The following ADAMTS17 variants were observed in gnomAD, a reference collection of about 807,000 sequenced individuals.
The protein encoded by ADAMTS17 is ADAM metallopeptidase with thrombospondin type 1 motif 17, also known as A disintegrin and metalloproteinase with thrombospondin motifs 17.
Under a neutral mutation model 141.5 loss-of-function variants are expected in ADAMTS17, and 113 were observed. The observed-to-expected ratio is 0.80, with a 90% CI of 0.69 to 0.93. The LOEUF is 0.93. ADAMTS17 is among the 40% of genes least tolerant of loss of function. The pLI is 0.00. For missense variants in ADAMTS17, 1,659 were observed against 1,517.9 expected (o/e 1.09, Z -1.54); for synonymous variants, 768 against 630.6 (o/e 1.22, Z -3.27).
chr15:99,982,999 T>C lies in ADAMTS17; in HGVS notation c.2950-6777A>G, dbSNP rs2060511455. 2.6e-5 allele frequency among the ~76,000 whole-genome samples: 4 copies of C among 152,360 alleles called. No homozygotes were observed. In the South Asian group the frequency reaches 8.3e-4, roughly 32 times the overall value. ...CAATTTGGATTTACTCATGTGCTTT[T>C]TTTGTGTGCAAATTATTTCATGAAG... On this transcript the variant is annotated intron_variant, in intron 20 of 21. Transcript: ENST00000268070.
chr15:100,250,505 A>G (rs1242016876), intron 7 of ADAMTS17, among the ~76,000 whole-genome samples: 1 of 152,246 alleles, frequency 6.6e-6, no homozygotes, highest in Non-Finnish European at 1.5e-5. Flanking sequence ...AGAAAATCAT[A>G]AAGATGGAAT....
At chr15:100,267,759 T>G (rs564200344) in intron 4 of ADAMTS17, among the ~76,000 whole-genome samples, 1 of 152,286 alleles carries the variant, frequency 6.6e-6, no homozygotes, top group South Asian at 2.1e-4. Context: ...GGGTTCATAG[T>G]AGGTGTATAC....
At chr15:100,298,288 G>C (rs1430275782) in intron 3 of ADAMTS17, among the ~76,000 whole-genome samples, 1 of 152,104 alleles carries the variant, frequency 6.6e-6, no homozygotes, top group Non-Finnish European at 1.5e-5. Context: ...TTCTACTGCT[G>C]TCCCCTTCCA....
At chr15:100,158,063 A>G (rs1361677875) in intron 8 of ADAMTS17, among the ~76,000 whole-genome samples, 1 of 151,914 alleles carries the variant, frequency 6.6e-6, no homozygotes, top group East Asian at 1.9e-4. Context: ...TAATTTTTGT[A>G]TTTTTAGTAG....
At chr15:100,323,060 C>T (rs1169465888) in intron 3 of ADAMTS17, among the ~76,000 whole-genome samples, 7 of 137,186 alleles carry the variant, frequency 5.1e-5, no homozygotes, top group Non-Finnish European at 9.1e-5. Flanking sequence ...GAACTCCAGC[C>T]CGGGAGACAG....
chr15:100,083,566 C>A (rs2034891176), intron 15 of ADAMTS17, among the ~76,000 whole-genome samples: 1 of 152,080 alleles, frequency 6.6e-6, no homozygotes, highest in Admixed American at 6.6e-5. Context: ...GAAAGTTTAG[C>A]AGTGTCCTTC....
chr15:100,341,830 G>A lies in ADAMTS17; in HGVS notation c.70C>T (p.Pro24Ser), dbSNP rs150132039. 15 of 1,551,628 alleles carry A rather than the reference G, an allele frequency of 9.7e-6. No individual in the cohort carries two copies. Among genetic ancestry groups the A allele is most frequent in the African/African-American group, 9.6e-5 (7 of 73,052 alleles). The change falls in exon 1 of 22, where the codon CCG becomes TCG. Residue 24 changes from proline to serine, a missense_variant. Coordinates refer to ENST00000268070, the MANE Select transcript of ADAMTS17 (RefSeq NM_139057.4). ...TGGGAGGGGGCGCTACCTGTGCCCG[G>A]GTCCAGTCCCCAAACCAGCAGCAGC... ...VLLLLVWGLD[P>S]GTAVGDAAAD... is the part of the protein sequence containing the mutation.
rs778690705 is a variant in ADAMTS17, at chr15:100,152,684, G to A, written c.1401C>T (p.Gly467=). The A allele has an allele frequency of 1.2e-5, 19 of 1,614,112 alleles. No homozygotes were observed. Among genetic ancestry groups the A allele is most frequent in the South Asian group, 1.1e-4 (10 of 91,090 alleles). ...HTVRLPHKLP[G]MHYSANEQCQ... is the part of the protein sequence containing the mutation. ...ACTGCTCGTTGGCACTGTAGTGCAT[G>A]CCCGGCAGCTTGTGCGGGAGGCGTA... Residue 467 remains glycine (G), a synonymous_variant, in exon 10 of 22, where the codon GGC becomes GGT. Coordinates refer to ENST00000268070, the MANE Select transcript of ADAMTS17 (RefSeq NM_139057.4).
At chr15:100,191,739 G>A (rs1474407887) in intron 8 of ADAMTS17, among the ~76,000 whole-genome samples, 2 of 152,212 alleles carry the variant, frequency 1.3e-5, no homozygotes, top group African/African-American at 4.8e-5. Context: ...AAGATTCTCT[G>A]CTGGGGAGGG....
At chr15:100,156,702 A>G (rs938161034) in intron 8 of ADAMTS17, among the ~76,000 whole-genome samples, 1 of 152,244 alleles carries the variant, frequency 6.6e-6, no homozygotes, top group African/African-American at 2.4e-5. Context: ...GCCAGTAGCT[A>G]AGATAGACTG....
At chr15:100,102,716 TG>T (rs1260233113) in intron 14 of ADAMTS17, among the ~76,000 whole-genome samples, 2 of 152,176 alleles carry the variant, frequency 1.3e-5, no homozygotes, top group African/African-American at 4.8e-5. Flanking sequence ...CGCAGAAGGC[TG>T]GGCACCGTCC....
chr15:100,192,780 T>C (rs895864669), intron 8 of ADAMTS17, among the ~76,000 whole-genome samples: 2 of 152,222 alleles, frequency 1.3e-5, no homozygotes, highest in Admixed American at 6.5e-5. Context: ...TTCCTTCCTG[T>C]TCTGGGACTG....
At chr15:100,012,784 C>A (rs750432407) in intron 18 of ADAMTS17, among the ~76,000 whole-genome samples, 1 of 152,066 alleles carries the variant, frequency 6.6e-6, no homozygotes, top group East Asian at 1.9e-4. Context: ...TTGGTGACTA[C>A]GGCCTTATAG....
intron 9 of ADAMTS17, among the ~76,000 whole-genome samples, chr15:100,154,006 C>G (rs2039314010): frequency 6.6e-6 from 1 of 152,214 alleles, no homozygotes; most frequent in Non-Finnish European, 1.5e-5. Context: ...CATGGCGAAA[C>G]CCCATCTCTA....
rs2060378429 is a variant in ADAMTS17 at position 99,977,388 on chromosome 15, ATATATATATATAATTTT to A, written c.2950-1183_2950-1167del. On this transcript the variant is annotated intron_variant, in intron 20 of 21. Coordinates refer to ENST00000268070, the MANE Select transcript of ADAMTS17 (RefSeq NM_139057.4). ...TATATATATATATATATATATATAT[ATATATATATATAATTTT>A]TTTTTTTTTTTTTTTTTTTTTTTTG... Among the ~76,000 whole-genome samples the A allele has an allele frequency of 2.0e-4, 2 of 9,872 alleles. 1 individual carries two copies. Among genetic ancestry groups the A allele is most frequent in the African/African-American group, 8.3e-4 (2 of 2,406 alleles). 6.5% of individuals were successfully genotyped at this position (9,872 alleles called of 152,430 possible).
chr15:100,220,442 T>A (rs2042098803), intron 7 of ADAMTS17, among the ~76,000 whole-genome samples: 1 of 152,190 alleles, frequency 6.6e-6, no homozygotes, highest in Admixed American at 6.5e-5. Context: ...CATGATCAGC[T>A]CTAGTCCCTC....
At chr15:100,130,130 A>G (rs2141227299) in intron 12 of ADAMTS17, among the ~76,000 whole-genome samples, 1 of 152,266 alleles carries the variant, frequency 6.6e-6, no homozygotes. Flanking sequence ...TTTGGGAGGC[A>G]GAGGTGAGCA....
At chr15:100,087,003 G>A (rs1006989297) in intron 15 of ADAMTS17, among the ~76,000 whole-genome samples, 1 of 152,140 alleles carries the variant, frequency 6.6e-6, no homozygotes, top group Non-Finnish European at 1.5e-5. Context: ...GAGCAGAACT[G>A]AAGGAAATAG....
At chr15:100,114,191 A>G (rs553479939) in intron 13 of ADAMTS17, among the ~76,000 whole-genome samples, 40 of 146,894 alleles carry the variant, frequency 2.7e-4, no homozygotes, top group Non-Finnish European at 4.4e-4. Context: ...AAGGAAGAGG[A>G]AAAAAAAGAA....
Sources: allele counts gnomAD v4.1 joint callset (sites outside exome capture counted in the v4.1 genomes callset), GRCh38; gene constraint gnomAD v4.1.1; transcripts MANE v1.5; gene names NCBI Gene and HGNC (gene_info 2026-07-23, HGNC 2026-07-21).